The following NTF4 variants were observed in gnomAD, a reference collection of about 807,000 sequenced individuals.
NTF4 encodes neurotrophin 4.
In NTF4, 2 loss-of-function variants were observed where a neutral mutation model predicts 4.4. The observed-to-expected ratio is 0.46, with a 90% confidence interval of 0.19 to 1.44. NTF4 has a LOEUF of 1.44. Among genes scored for constraint, NTF4 ranks in the 40% most tolerant of loss-of-function variants. The pLI is 0.26. For synonymous variants in NTF4, 127 were observed against 122.0 expected, an observed-to-expected ratio of 1.04 and a Z score of -0.27; for missense variants, 260 against 293.0, an observed-to-expected ratio of 0.89 and a Z score of 0.82.
chr19:49,058,368 T>A (rs2040093594), downstream of NTF4: 7 of 1,294,420 alleles, frequency 5.4e-6, no homozygotes, highest in Non-Finnish European at 6.2e-6. Context: ...GCGCCGCACA[T>A]CAGCTAGAAA....
At chr19:49,063,050 A>G (rs945306956), upstream of NTF4, among the ~76,000 whole-genome samples, 7 of 151,904 alleles carry the variant, frequency 4.6e-5, no homozygotes, top group Non-Finnish European at 8.8e-5. Context: ...TCTGTTGGCC[A>G]GGCTGGAGTA....
rs1482245754 is a variant in NTF4, at chr19:49,061,731, A to ACTCG, written c.263_266dup (p.Arg90GlufsTer5). ...CGCACACAGCCAGCTCACCCCGACG[A>ACTCG]CTCGCTGGTGCAGTTTCGCTCACCC... On this transcript the variant is annotated frameshift_variant, in exon 1 of 1. Transcript: ENST00000593537. LOFTEE classifies it low-confidence loss of function (END_TRUNC). The surrounding 1 kb of genome is among the most constrained non-coding windows in gnomAD (Gnocchi z 4.9). 1 of 1,611,918 alleles carries ACTCG rather than the reference A, an allele frequency of 6.2e-7. No homozygotes were observed. The highest frequency in any genetic ancestry group is 8.5e-7 in the Non-Finnish European group (1 of 1,179,388).
At chr19:49,058,481 T>A (rs1326756411), downstream of NTF4, 5 of 587,714 alleles carry the variant, frequency 8.5e-6, no homozygotes, top group Non-Finnish European at 1.5e-5. Context: ...CCCTGGCGCC[T>A]CCTCTCTCAG....
rs1236575649 is a variant in NTF4 at position 49,061,866 on chromosome 19, G to A, written c.132C>T (p.Pro44=). The change falls in exon 1 of 1, where the codon CCC becomes CCT. Residue 44 remains proline (P), a synonymous_variant. Transcript: ENST00000593537. The surrounding 1 kb of genome is among the most constrained non-coding windows in gnomAD (Gnocchi z 4.9). ...GGGCACCCCTAGACAGGACTACTCG[G>A]GGGGAGAGAAGGTCCCACTCAGGGG... The A allele has an allele frequency of 6.5e-7, 1 of 1,543,956 alleles. No homozygotes were observed. Among genetic ancestry groups the A allele is most frequent in the Non-Finnish European group, 8.8e-7 (1 of 1,141,374 alleles).
chr19:49,059,124 A>C (rs985983685), downstream of NTF4, among the ~76,000 whole-genome samples: 18 of 152,110 alleles, frequency 1.2e-4, no homozygotes, highest in Admixed American at 1.0e-3. Context: ...ATCCATGAGA[A>C]ACACCCCCCT....
rs781620265 is a variant in NTF4 at position 49,061,631 on chromosome 19, C to G, written c.367G>C (p.Glu123Gln). 5 of 1,613,884 alleles carry G rather than the reference C, an allele frequency of 3.1e-6. No individual in the cohort carries two copies. The Admixed American group carries it at 6.7e-5, about 22-fold the overall frequency. ...GGACTGCCGCCAGCTGCAGGCACCTCGCCCAACACCTCCACCTCGCGCCCA... is the reference window on the plus strand; with the variant it reads ...GGACTGCCGCCAGCTGCAGGCACCTGGCCCAACACCTCCACCTCGCGCCCA... Residue 123 changes from glutamate to glutamine, a missense_variant, in exon 1 of 1, where the codon GAG (glutamate) becomes CAG (glutamine). Transcript: ENST00000593537. This position sits in a 1 kb window ranked among gnomAD's most constrained non-coding sequence, Gnocchi z 4.9.
chr19:49,062,527 G>A (rs1292663778), upstream of NTF4, among the ~76,000 whole-genome samples: 1 of 152,048 alleles, frequency 6.6e-6, no homozygotes, highest in Non-Finnish European at 1.5e-5. Context: ...GCTCACACCT[G>A]TAATCCCGGC....
At position 49,061,242 on chromosome 19, in the gene NTF4, C is replaced by T; in HGVS notation, c.*123G>A. 6 of 1,528,444 alleles carry T rather than the reference C, an allele frequency of 3.9e-6. No homozygotes were observed. The South Asian group carries it at 7.2e-5, about 18-fold the overall frequency. The allele number at this position is 1,528,444 out of a possible 1,614,324, so 94.7% of individuals were successfully genotyped here. ...TCACCCATCCTGCAGAGATTGAGCT[C>T]AAAATCAGAGAATTGTGATTTTGTG... On this transcript the variant is annotated 3_prime_UTR_variant, in exon 1 of 1. Coordinates refer to ENST00000593537, the Ensembl canonical transcript of NTF4. The surrounding 1 kb of genome is among the most constrained non-coding windows in gnomAD (Gnocchi z 4.9).
upstream of NTF4, among the ~76,000 whole-genome samples, chr19:49,063,046 G>T (rs1412862210): frequency 6.6e-6 from 1 of 151,652 alleles, no homozygotes; most frequent in African/African-American, 2.4e-5. Flanking sequence ...TCACTCTGTT[G>T]GCCAGGCTGG....
chr19:49,061,839 AGGGGCACCCCTAGACAGGACTACTCGG>A lies in NTF4; in HGVS notation c.132_158del (p.Arg45_Pro53del). The A allele has an allele frequency of 6.4e-7, 1 of 1,550,484 alleles. No homozygotes were observed. The highest frequency in any genetic ancestry group is 8.7e-7 in the Non-Finnish European group (1 of 1,147,114). ...GCAGGAAGAGCAGAGGGGGCCCAGCAGGGGCACCCCTAGACAGGACTACTCGGGGGGAGAGAAGGTCCCACTCAGGGG... is the reference window on the plus strand; with the variant it reads ...GCAGGAAGAGCAGAGGGGGCCCAGCAGGGGAGAGAAGGTCCCACTCAGGGG... On this transcript the variant is annotated inframe_deletion, in exon 1 of 1. Coordinates refer to ENST00000593537, the Ensembl canonical transcript of NTF4. The surrounding 1 kb of genome is among the most constrained non-coding windows in gnomAD (Gnocchi z 4.9).
chr19:49,060,720 C>G (rs1367376498), downstream of NTF4: 1 of 153,032 alleles, frequency 6.5e-6, no homozygotes, highest in Non-Finnish European at 1.5e-5. Context: ...AACCTGACTT[C>G]AGCTCCCTGC....
upstream of NTF4, chr19:49,064,722 G>T (rs1269874741): frequency 6.5e-6 from 1 of 153,224 alleles, no homozygotes; most frequent in Non-Finnish European, 1.5e-5. Flanking sequence ...CTCCTTCTCG[G>T]ATACTAAGAA....
chr19:49,061,353 T>G lies in NTF4; in HGVS notation c.*12A>C. 1 of 1,611,766 alleles carries G rather than the reference T, an allele frequency of 6.2e-7. No individual in the cohort carries two copies. The highest frequency in any genetic ancestry group is 1.1e-5 in the South Asian group (1 of 90,998). On this transcript the variant is annotated 3_prime_UTR_variant, in exon 1 of 1. Transcript: ENST00000593537. This position sits in a 1 kb window ranked among gnomAD's most constrained non-coding sequence, Gnocchi z 4.9. ...TCAGCATCCAGCTCTGTTATTTTCCTGGGCATGGGTCTCAGGCCCGGCCAG... is the reference window on the plus strand; with the variant it reads ...TCAGCATCCAGCTCTGTTATTTTCCGGGGCATGGGTCTCAGGCCCGGCCAG...
At chr19:49,060,051 A>AAAAAAAAAAAAC (rs2040114645), downstream of NTF4, among the ~76,000 whole-genome samples, 1 of 134,316 alleles carries the variant, frequency 7.4e-6, no homozygotes, top group African/African-American at 2.7e-5. Flanking sequence ...AAAAAAAAAA[A>AAAAAAAAAAAAC]AAAAAAAAAA....
downstream of NTF4, among the ~76,000 whole-genome samples, chr19:49,059,782 TC>T (rs1294353796): frequency 2.6e-5 from 4 of 152,032 alleles, no homozygotes; most frequent in Non-Finnish European, 5.9e-5. Context: ...GCGCAGTGGC[TC>T]ATGCCCGTAA....
At chr19:49,059,892 T>C (rs2040112252), downstream of NTF4, among the ~76,000 whole-genome samples, 1 of 151,256 alleles carries the variant, frequency 6.6e-6, no homozygotes, top group African/African-American at 2.4e-5. Flanking sequence ...TACCAAAAAA[T>C]ACAAAAAGTA....
chr19:49,062,932 C>T (rs950999569), upstream of NTF4, among the ~76,000 whole-genome samples: 2 of 152,186 alleles, frequency 1.3e-5, no homozygotes, highest in African/African-American at 4.8e-5. Context: ...GACTTCACCT[C>T]TGGGCAACTG....
rs377553005 is a variant in NTF4 at position 49,061,658 on chromosome 19, G to C, written c.340C>G (p.Arg114Gly). ...CCCAACACCTCCACCTCGCGCCCAC[G>C]CAAGTCCACAGCGGTCCGGCGGTCT... Residue 114 changes from arginine to glycine, a missense_variant, in exon 1 of 1, where the codon CGT (arginine) becomes GGT (glycine). Transcript: ENST00000593537. This position sits in a 1 kb window ranked among gnomAD's most constrained non-coding sequence, Gnocchi z 4.9. 207 of 1,613,462 alleles carry C rather than the reference G, an allele frequency of 1.3e-4. No individual in the cohort carries two copies. The highest frequency in any genetic ancestry group is 1.6e-4 in the Non-Finnish European group (193 of 1,179,948).
rs539962138 is a variant in NTF4, at chr19:49,061,268, A to T, written c.*97T>A. 42 of 1,565,054 alleles carry T rather than the reference A, an allele frequency of 2.7e-5. No homozygotes were observed. In the African/African-American group the frequency reaches 5.5e-4, roughly 21 times the overall value. On this transcript the variant is annotated 3_prime_UTR_variant, in exon 1 of 1. Transcript: ENST00000593537. This position sits in a 1 kb window ranked among gnomAD's most constrained non-coding sequence, Gnocchi z 4.9. The stretch of plus-strand genomic sequence containing the variant: ...AAAATCAGAGAATTGTGATTTTGTG[A>T]TTATTTGATGAGTTCCCAAACTGGG...
Sources: gnomAD v4.1 joint callset for allele counts (sites outside exome capture counted in the v4.1 genomes callset) on GRCh38, gnomAD v4.1.1 for gene constraint, Gnocchi (gnomAD v3.1) non-coding constraint, MANE v1.5 for transcripts, NCBI Gene and HGNC (gene_info 2026-07-23, HGNC 2026-07-21) for gene names.